The following ZNF518A variants were observed in gnomAD, a reference collection of about 807,000 sequenced individuals.
The protein encoded by ZNF518A is zinc finger protein 518A, also known as zinc finger protein 518.
Under a neutral mutation model 102.7 loss-of-function variants are expected in ZNF518A, and 47 were observed. That is an observed-to-expected ratio of 0.46 (90% confidence interval 0.36 to 0.58). ZNF518A has a LOEUF of 0.58. Ranked by LOEUF, ZNF518A falls within the 20% of genes least tolerant of loss-of-function variation. ZNF518A has a pLI of 0.00. For missense variants in ZNF518A, 1,793 were observed against 1,699.8 expected (o/e 1.05, Z -0.96); for synonymous variants, 652 against 594.6 (o/e 1.10, Z -1.40).
chr10:96,166,019 C>T (rs1468586765), downstream of ZNF518A, among the ~76,000 whole-genome samples: 5 of 152,136 alleles, frequency 3.3e-5, no homozygotes, highest in Middle Eastern at 3.4e-3. Flanking sequence ...CAAGGGGCCA[C>T]GGGTGTAAGT....
At chr10:96,143,073 G>A (rs2082016482) in intron 3 of ZNF518A, among the ~76,000 whole-genome samples, 1 of 152,148 alleles carries the variant, frequency 6.6e-6, no homozygotes, top group African/African-American at 2.4e-5. Context: ...CTCGCAAAGT[G>A]TTGGGATTAC....
In ZNF518A at chr10:96,156,984, C is replaced by T. The variant is rs1554882899; in HGVS notation, c.662C>T (p.Thr221Ile). ...KCKFSTQDVG[T>I]FVQHIHRHNE... ...AAGTTCTCCACCCAGGATGTTGGCACATTTGTTCAGCACATTCATAGACAT... is the reference window on the plus strand; with the variant it reads ...AAGTTCTCCACCCAGGATGTTGGCATATTTGTTCAGCACATTCATAGACAT... The change falls in exon 6 of 6, where the codon ACA becomes ATA. Residue 221 changes from threonine to isoleucine, a missense_variant. This residue lies in a region of ZNF518A where 1,741 missense variants were observed against 1,622.6 expected (regional missense o/e 1.07). Transcript: ENST00000316045. 2.5e-6 allele frequency: 4 copies of T among 1,613,878 alleles called. No homozygotes were observed. Among genetic ancestry groups the T allele is most frequent in the Non-Finnish European group, 3.4e-6 (4 of 1,179,810 alleles).
chr10:96,148,518 C>G (rs1554879334), intron 3 of ZNF518A, among the ~76,000 whole-genome samples: 1 of 147,652 alleles, frequency 6.8e-6, no homozygotes, highest in African/African-American at 2.5e-5. Context: ...TGGTCTGGAT[C>G]TTGAACTAAT....
At chr10:96,167,094 CAG>C (rs1185954680), downstream of ZNF518A, among the ~76,000 whole-genome samples, 3 of 152,098 alleles carry the variant, frequency 2.0e-5, no homozygotes, top group Admixed American at 1.3e-4. Context: ...TCCTATATGA[CAG>C]AGAAATGTAG....
In ZNF518A at chr10:96,161,071, C is replaced by A. The variant is rs1591255534; in HGVS notation, c.*297C>A. The A allele has an allele frequency of 4.0e-6, 1 of 248,780 alleles. No homozygotes were observed. The highest frequency in any genetic ancestry group is 1.4e-4 in the South Asian group (1 of 7,292). 15.4% of individuals were successfully genotyped at this position (248,780 alleles called of 1,614,324 possible). A position where few individuals can be genotyped will look rare whatever the true frequency, so the allele number is the denominator to read the frequency against. ...AGAAAATTTTGATAAAACAATTTTC[C>A]CACTTTAGTTCTTTAGTGACTCTTA... On this transcript the variant is annotated 3_prime_UTR_variant, in exon 6 of 6. Coordinates refer to ENST00000316045, the MANE Select transcript of ZNF518A (RefSeq NM_001330736.2).
downstream of ZNF518A, chr10:96,204,433 C>T: frequency 7.6e-7 from 1 of 1,309,110 alleles, no homozygotes; most frequent in Admixed American, 1.7e-5. Context: ...GGATTTTTAC[C>T]TAGCACTGCA....
At chr10:96,142,321 T>G (rs996272543) in intron 3 of ZNF518A, among the ~76,000 whole-genome samples, 5 of 138,346 alleles carry the variant, frequency 3.6e-5, no homozygotes, top group African/African-American at 1.2e-4. Flanking sequence ...TGTGTGTGTG[T>G]GTGTGTGTGT....
intron 1 of ZNF518A, among the ~76,000 whole-genome samples, chr10:96,180,679 CT>C (rs1393673635): frequency 6.6e-6 from 1 of 152,104 alleles, no homozygotes; most frequent in African/African-American, 2.4e-5. Flanking sequence ...TGAACTCATC[CT>C]TTTTTATGGC....
At chr10:96,148,708 A>T (rs587695761) in intron 3 of ZNF518A, among the ~76,000 whole-genome samples, 1 of 152,050 alleles carries the variant, frequency 6.6e-6, no homozygotes, top group African/African-American at 2.4e-5. Context: ...TGCTTCTCCA[A>T]CTAGTGAAGC....
At chr10:96,179,448 G>C (rs2083225597) in intron 1 of ZNF518A, among the ~76,000 whole-genome samples, 1 of 152,096 alleles carries the variant, frequency 6.6e-6, no homozygotes, top group Non-Finnish European at 1.5e-5. Flanking sequence ...CTAGTAGAAT[G>C]GCTAAAATTA....
chr10:96,191,853 TC>T, intron 1 of ZNF518A: 3 of 1,357,580 alleles, frequency 2.2e-6, no homozygotes, highest in Non-Finnish European at 3.1e-6. Flanking sequence ...GCTGACTCCA[TC>T]TTCCATTTTA....
rs2082787660 is a variant in ZNF518A, at chr10:96,158,039, A to G, written c.1717A>G (p.Arg573Gly). The change falls in exon 6 of 6, where the codon AGA (arginine) becomes GGA (glycine). Residue 573 changes from arginine (R) to glycine (G), a missense_variant. Physicochemically the swap from Arg to Gly is moderately radical, Grantham distance 125 (BLOSUM62 -2). Coordinates refer to ENST00000316045, the MANE Select transcript of ZNF518A (RefSeq NM_001330736.2). Reference sequence around the variant, plus strand: ...GAATTTGACCACAAAATTTGAAACAAGAGATAATGTTGACTTCTGGGGAAA... The same window carrying G: ...GAATTTGACCACAAAATTTGAAACAGGAGATAATGTTGACTTCTGGGGAAA... ...SVNLTTKFET[R>G]DNVDFWGNHL... The G allele has an allele frequency of 1.2e-6, 2 of 1,613,710 alleles. No individual in the cohort carries two copies. Among genetic ancestry groups the G allele is most frequent in the African/African-American group, 2.7e-5 (2 of 75,044 alleles).
At chr10:96,203,972 T>A in exon 3 of ZNF518A, 1 of 1,135,658 alleles carries the variant, frequency 8.8e-7, no homozygotes, top group Non-Finnish European at 1.3e-6. Flanking sequence ...GAAGCGACAG[T>A]GCTGTGTTAG....
intron 1 of ZNF518A, among the ~76,000 whole-genome samples, chr10:96,174,646 A>G (rs1448486386): frequency 6.6e-6 from 1 of 152,188 alleles, no homozygotes; most frequent in Admixed American, 6.5e-5. Context: ...ACCTATGACG[A>G]GTAAGGTATT....
At chr10:96,173,616 A>G (rs1554891163) in intron 1 of ZNF518A, among the ~76,000 whole-genome samples, 1 of 152,184 alleles carries the variant, frequency 6.6e-6, no homozygotes, top group Non-Finnish European at 1.5e-5. Flanking sequence ...TAACAGAACC[A>G]CAAAATCCAT....
Position 96,157,587 on chromosome 10 carries a change from C to T in ZNF518A, c.1265C>T (p.Pro422Leu). 6.2e-7 allele frequency: 1 copy of T among 1,613,802 alleles called. No homozygotes were observed. The highest frequency in any genetic ancestry group is 1.7e-5 in the Admixed American group (1 of 60,012). ...TTCATGAAGACTGCTGTACTAGGACCTACACTGAAAAATGTAATGATGAAA... is the reference window on the plus strand; with the variant it reads ...TTCATGAAGACTGCTGTACTAGGACTTACACTGAAAAATGTAATGATGAAA... The part of the protein sequence containing the change: ...SGFMKTAVLG[P>L]TLKNVMMKNN... The change falls in exon 6 of 6, where the codon CCT becomes CTT. Residue 422 changes from proline to leucine, a missense_variant. By Grantham distance (98) the Pro-to-Leu change is moderately conservative. Around this residue, in one of 3 missense-constraint regions of ZNF518A, gnomAD observed 1,741 missense variants for 1,622.6 expected, o/e 1.07. Transcript: ENST00000316045.
rs145508156 is a variant in ZNF518A, at chr10:96,177,309, A to G, written n.35+21262A>G. Among the ~76,000 whole-genome samples the G allele has an allele frequency of 5.5e-3, 836 of 152,350 alleles. 4 individuals carry two copies. The highest frequency in any genetic ancestry group is 9.8e-3 in the Non-Finnish European group (668 of 68,026). On this transcript the variant is annotated intron_variant and non_coding_transcript_variant, in intron 1 of 2. Transcript: ENST00000442635. The stretch of plus-strand genomic sequence containing the variant: ...CTAGTGAAATCATCTTTCAAGAATG[A>G]AGACAAAACAAATACAGTTTAACAT...
At chr10:96,165,983 C>CA (rs1554890263), downstream of ZNF518A, among the ~76,000 whole-genome samples, 4 of 152,128 alleles carry the variant, frequency 2.6e-5, no homozygotes, top group African/African-American at 9.7e-5. Context: ...GTGTAACTCT[C>CA]AGACTGAGAT....
At chr10:96,184,249 T>C (rs1324661451) in intron 1 of ZNF518A, among the ~76,000 whole-genome samples, 2 of 152,220 alleles carry the variant, frequency 1.3e-5, no homozygotes, top group East Asian at 3.8e-4. Context: ...TCTTGACTCT[T>C]TATCCAATTT....
Sources: allele counts gnomAD v4.1 joint callset (sites outside exome capture counted in the v4.1 genomes callset), GRCh38; gene constraint gnomAD v4.1.1; regional missense constraint gnomAD v4.1.1; transcripts MANE v1.5; gene names NCBI Gene and HGNC (gene_info 2026-07-23, HGNC 2026-07-21).